The following BMPR1B variants were observed in gnomAD, a reference collection of about 807,000 sequenced individuals.
The protein encoded by BMPR1B is bone morphogenetic protein receptor type 1B, also known as bone morphogenetic protein receptor type-1B.
BMPR1B carries 12 observed loss-of-function variants against 59.1 expected under a neutral mutation model. That is an observed-to-expected ratio of 0.20 (90% CI 0.13 to 0.33). The LOEUF (loss-of-function observed/expected upper bound fraction) is 0.33, where lower values mean the gene tolerates loss of function less well. Among genes scored for constraint, BMPR1B ranks in the 10% least tolerant of loss-of-function variants. BMPR1B has a pLI of 1.00. For missense variants in BMPR1B, 550 were observed against 610.9 expected, an observed-to-expected ratio of 0.90 and a Z score of 1.05; for synonymous variants, 237 against 207.3, an observed-to-expected ratio of 1.14 and a Z score of -1.23.
intron 3 of BMPR1B, among the ~76,000 whole-genome samples, chr4:95,037,494 A>C (rs891386016): frequency 2.6e-5 from 4 of 152,194 alleles, no homozygotes; most frequent in Admixed American, 2.6e-4. Flanking sequence ...ATAGTCCCTC[A>C]TCATGAAAAC....
intron 3 of BMPR1B, among the ~76,000 whole-genome samples, chr4:95,092,985 G>C (rs937739511): frequency 1.3e-5 from 2 of 152,124 alleles, no homozygotes; most frequent in Non-Finnish European, 2.9e-5. Flanking sequence ...AATCTGCCAA[G>C]TTCTAGTTGA....
chr4:94,986,910 G>A (rs9994062), intron 2 of BMPR1B, among the ~76,000 whole-genome samples: 131,377 of 140,026 alleles, frequency 0.94, 61,560 homozygotes, highest in Middle Eastern at 0.99. Flanking sequence ...GCGTGGTGGC[G>A]GGTGCCTGTA....
intron 3 of BMPR1B, among the ~76,000 whole-genome samples, chr4:95,032,016 A>G (rs1408083676): frequency 6.6e-6 from 1 of 152,182 alleles, no homozygotes; most frequent in African/African-American, 2.4e-5. Flanking sequence ...ATTGTTGTGC[A>G]GCCAGTCTCT....
intron 3 of BMPR1B, among the ~76,000 whole-genome samples, chr4:95,087,100 C>T (rs936425357): frequency 6.7e-5 from 10 of 148,974 alleles, no homozygotes; most frequent in Admixed American, 2.0e-4. Context: ...ACAATTTCCA[C>T]TCACTTCAGC....
intron 2 of BMPR1B, among the ~76,000 whole-genome samples, chr4:94,922,715 C>T (rs3775018): frequency 0.017 from 2,607 of 152,042 alleles, 91 homozygotes; most frequent in East Asian, 0.15. Flanking sequence ...TCCTGAAAGC[C>T]AGATTTTGTC....
chr4:94,795,903 T>C (rs1050417034), intron 1 of BMPR1B, among the ~76,000 whole-genome samples: 6 of 152,168 alleles, frequency 3.9e-5, no homozygotes, highest in Middle Eastern at 3.4e-3. Context: ...TTTGTAAAAG[T>C]GGTGATATCT....
chr4:94,790,736 A>G (rs1377907372), intron 1 of BMPR1B, among the ~76,000 whole-genome samples: 1 of 152,184 alleles, frequency 6.6e-6, no homozygotes, highest in Non-Finnish European at 1.5e-5. Context: ...GAAAAACTTT[A>G]TTTTTTAGAG....
At chr4:94,781,961 A>C (rs72884143) in intron 1 of BMPR1B, among the ~76,000 whole-genome samples, 11,050 of 151,808 alleles carry the variant, frequency 0.073, 1,098 homozygotes, top group African/African-American at 0.22. Context: ...CTATTATGCA[A>C]CCCAGTGTGG....
intron 2 of BMPR1B, among the ~76,000 whole-genome samples, chr4:94,889,883 C>T (rs147745469): frequency 6.6e-6 from 1 of 152,074 alleles, no homozygotes; most frequent in African/African-American, 2.4e-5. Flanking sequence ...CCAAATTTGT[C>T]TGTAGCTTTT....
chr4:95,078,070 G>C (rs1159250252), intron 3 of BMPR1B, among the ~76,000 whole-genome samples: 1 of 152,130 alleles, frequency 6.6e-6, no homozygotes, highest in African/African-American at 2.4e-5. Flanking sequence ...TTTATGCAGT[G>C]ATACAGATAC....
At chr4:95,015,510 C>A (rs994832359) in intron 3 of BMPR1B, among the ~76,000 whole-genome samples, 8 of 152,104 alleles carry the variant, frequency 5.3e-5, no homozygotes, top group Non-Finnish European at 1.2e-4. Context: ...CTCAGTCTCC[C>A]AAGTAGCTGT....
intron 3 of BMPR1B, among the ~76,000 whole-genome samples, chr4:95,013,117 A>G (rs939746395): frequency 6.6e-6 from 1 of 152,044 alleles, no homozygotes; most frequent in African/African-American, 2.4e-5. Context: ...TAAAAAAAAA[A>G]GTTATGTGCC....
At chr4:95,046,980 C>T (rs887009024) in intron 3 of BMPR1B, among the ~76,000 whole-genome samples, 12 of 152,138 alleles carry the variant, frequency 7.9e-5, no homozygotes, top group Non-Finnish European at 1.6e-4. Context: ...CACATTGGTT[C>T]CTTCTCTGCA....
intron 3 of BMPR1B, among the ~76,000 whole-genome samples, chr4:95,099,075 T>A (rs1236448522): frequency 6.6e-6 from 1 of 152,106 alleles, no homozygotes; most frequent in Admixed American, 6.5e-5. Flanking sequence ...AGATTGTAGA[T>A]TATAGAATGT....
intron 3 of BMPR1B, among the ~76,000 whole-genome samples, chr4:95,082,654 A>G (rs1480881486): frequency 1.3e-5 from 2 of 152,188 alleles, no homozygotes; most frequent in African/African-American, 4.8e-5. Flanking sequence ...AGTAAATGGC[A>G]GATCTGGAAT....
At chr4:95,023,511 A>G (rs1167414252) in intron 3 of BMPR1B, among the ~76,000 whole-genome samples, 2 of 151,864 alleles carry the variant, frequency 1.3e-5, no homozygotes, top group African/African-American at 4.8e-5. Flanking sequence ...CATCCCAAAT[A>G]ACTGGGACCA....
chr4:94,839,589 C>T (rs1312654944), intron 1 of BMPR1B, among the ~76,000 whole-genome samples: 7 of 149,080 alleles, frequency 4.7e-5, no homozygotes, highest in African/African-American at 1.5e-4. Context: ...CAACCCCTGC[C>T]TTTTTTTGTT....
intron 2 of BMPR1B, among the ~76,000 whole-genome samples, chr4:94,986,462 T>A (rs1256921117): frequency 6.6e-6 from 1 of 152,212 alleles, no homozygotes; most frequent in African/African-American, 2.4e-5. Flanking sequence ...AAAGTCTAAT[T>A]TAATCAGGTC....
At position 94,820,252 on chromosome 4, in the gene BMPR1B, G is replaced by A. The variant is rs542440847; in HGVS notation, c.-182-55579G>A. Among the ~76,000 whole-genome samples the A allele has an allele frequency of 1.2e-4, 19 of 152,268 alleles. 1 individual carries two copies. The South Asian group carries it at 3.9e-3, about 32-fold the overall frequency. On this transcript the variant is annotated intron_variant, in intron 1 of 12. Coordinates refer to ENST00000515059, the MANE Select transcript of BMPR1B (RefSeq NM_001203.3). Reference sequence around the variant, plus strand: ...GAAATTTTAATTCAGATGGTCTGATGCCAAAGTTCATGGTGTATCTTCCCC... The same window carrying A: ...GAAATTTTAATTCAGATGGTCTGATACCAAAGTTCATGGTGTATCTTCCCC...
Sources: allele counts gnomAD v4.1 joint callset (sites outside exome capture counted in the v4.1 genomes callset), GRCh38; gene constraint gnomAD v4.1.1; transcripts MANE v1.5; gene names NCBI Gene and HGNC (gene_info 2026-07-23, HGNC 2026-07-21).